The following ARAP1 variants were observed in gnomAD, a reference collection of about 807,000 sequenced individuals.
ARAP1 encodes arf-GAP with Rho-GAP domain, ANK repeat and PH domain-containing protein 1.
A neutral mutation model predicts 172.2 loss-of-function variants in ARAP1; 76 were observed. The observed-to-expected ratio is 0.44, with a 90% CI of 0.37 to 0.53. The LOEUF is 0.53. Among genes scored for constraint, ARAP1 ranks in the 20% least tolerant of loss-of-function variants. The pLI, the probability that ARAP1 is intolerant of heterozygous loss-of-function variation, is 0.00. For missense variants in ARAP1, 1,686 were observed against 1,977.5 expected, an observed-to-expected ratio of 0.85 and a Z score of 2.80; for synonymous variants, 804 against 803.3, an observed-to-expected ratio of 1.00 and a Z score of -0.01.
At chr11:72,745,708 C>G (rs982638172) in intron 1 of ARAP1, among the ~76,000 whole-genome samples, 11 of 152,122 alleles carry the variant, frequency 7.2e-5, no homozygotes, top group Non-Finnish European at 1.6e-4. Context: ...AGGAGACACT[C>G]CTGTGTCCCA....
chr11:72,698,758 T>C (rs1856332473), intron 18 of ARAP1, among the ~76,000 whole-genome samples: 2 of 152,110 alleles, frequency 1.3e-5, no homozygotes, highest in Admixed American at 1.3e-4. Flanking sequence ...TGTTAAACAC[T>C]TATTGAGCAC....
chr11:72,687,773 A>G, intron 31 of ARAP1, 35 bp from the exon 32 acceptor site: 1 of 1,613,262 alleles, frequency 6.2e-7, no homozygotes, highest in Non-Finnish European at 8.5e-7. Context: ...TGGGTGTTTG[A>G]CAGGCCATAG....
chr11:72,687,281 G>A (rs1229992212), intron 33 of ARAP1, 158 bp downstream of exon 33: 5 of 934,774 alleles, frequency 5.3e-6, no homozygotes, highest in Non-Finnish European at 8.3e-6. Context: ...GTAGGTGCTA[G>A]GAAGGGTTTA....
rs767049284 is a variant in ARAP1, at chr11:72,721,836, G to A, written c.509+4784C>T. The A allele has an allele frequency of 8.0e-5, 79 of 985,598 alleles. 1 individual carries two copies. Among genetic ancestry groups the A allele is most frequent in the African/African-American group, 5.8e-4 (33 of 57,230 alleles). 61.1% of individuals were successfully genotyped at this position (985,598 alleles called of 1,614,324 possible). On this transcript the variant is annotated intron_variant, in intron 3 of 34. Coordinates refer to ENST00000393609, the MANE Select transcript of ARAP1 (RefSeq NM_001040118.3). ...GCCCAACAGCAACAACAGCAACGGC[G>A]GCACCTCGCTTACCCTCAGACGCCT...
At chr11:72,696,899 G>T in intron 22 of ARAP1, 84 bp downstream of exon 22, 2 of 1,404,532 alleles carry the variant, frequency 1.4e-6, no homozygotes, top group Non-Finnish European at 1.9e-6. Context: ...GGTAAGCCTA[G>T]TGCAAGTGCC....
chr11:72,733,147 C>T (rs772460797), intron 1 of ARAP1, among the ~76,000 whole-genome samples: 6 of 152,152 alleles, frequency 3.9e-5, no homozygotes, highest in Non-Finnish European at 7.4e-5. Flanking sequence ...GACAGACAGG[C>T]CTGTCCAGAT....
intron 2 of ARAP1, among the ~76,000 whole-genome samples, chr11:72,727,619 G>A (rs1009053042): frequency 3.9e-5 from 6 of 152,180 alleles, no homozygotes; most frequent in African/African-American, 4.8e-5. Context: ...AGGGCTTAGC[G>A]AGCATTGAAG....
intron 2 of ARAP1, among the ~76,000 whole-genome samples, chr11:72,729,806 T>G (rs1857803665): frequency 6.6e-6 from 1 of 151,510 alleles, no homozygotes; most frequent in Non-Finnish European, 1.5e-5. Flanking sequence ...TCTCAGCTAC[T>G]TGTGAGGATG....
chr11:72,703,414 G>T (rs372207414), intron 14 of ARAP1: 15 of 163,866 alleles, frequency 9.2e-5, no homozygotes, highest in Non-Finnish European at 1.6e-4. Context: ...GAGCCGGGGG[G>T]GGGGTGTGCT....
In ARAP1 at chr11:72,685,596, G is replaced by A; in HGVS notation, c.*68C>T. On this transcript the variant is annotated 3_prime_UTR_variant, in exon 35 of 35. Transcript: ENST00000393609. Reference sequence around the variant, plus strand: ...CCGCTGGCTCACATCAGGCCTTGGAGCATAAGGGGTGTCTGAACAGAAGGC... The same window carrying A: ...CCGCTGGCTCACATCAGGCCTTGGAACATAAGGGGTGTCTGAACAGAAGGC... 1 of 1,607,220 alleles carries A rather than the reference G, an allele frequency of 6.2e-7. No homozygotes were observed. The highest frequency in any genetic ancestry group is 8.5e-7 in the Non-Finnish European group (1 of 1,173,788).
At chr11:72,703,306 C>G in intron 14 of ARAP1, 1 of 456,014 alleles carries the variant, frequency 2.2e-6, no homozygotes, top group Non-Finnish European at 3.8e-6. Flanking sequence ...CCAGGGGATC[C>G]CAGCTGCCCG....
In ARAP1 at chr11:72,686,079, C is replaced by A; in HGVS notation, c.4298G>T (p.Arg1433Leu). 3 of 1,614,102 alleles carry A rather than the reference C, an allele frequency of 1.9e-6. No individual in the cohort carries two copies. The highest frequency in any genetic ancestry group is 2.2e-5 in the South Asian group (2 of 91,088). Residue 1433 changes from arginine to leucine, a missense_variant, in exon 34 of 35, where the codon CGC becomes CTC. This residue lies in a region of ARAP1 where 379 missense variants were observed against 500.1 expected (regional missense o/e 0.76). Coordinates refer to ENST00000393609, the MANE Select transcript of ARAP1 (RefSeq NM_001040118.3). Reference sequence around the variant, plus strand: ...CGCGGTGAAGGCAGCCACACTCCGGCGCATTTCATTTTCACTACCTCGAAG... The same window carrying A: ...CGCGGTGAAGGCAGCCACACTCCGGAGCATTTCATTTTCACTACCTCGAAG... ...IPLRGSENEM[R>L]RSVAAFTADP...
Position 72,695,010 on chromosome 11 carries a change from A to G in ARAP1, c.3664T>C (p.Cys1222Arg). ...TCCTCCCTCTCGTTGACCTCAAAGCAGGTCCAATAGTCCTTCTCCCTGATG... is the reference window on the plus strand; with the variant it reads ...TCCTCCCTCTCGTTGACCTCAAAGCGGGTCCAATAGTCCTTCTCCCTGATG... ...VGIREKDYWTCFEVNEREEAE... is the reference protein window; with the variant it reads ...VGIREKDYWTRFEVNEREEAE... The change falls in exon 27 of 35, where the codon TGC becomes CGC. Residue 1222 changes from cysteine (C) to arginine (R), a missense_variant. Cys to Arg is a radical substitution (Grantham distance 180). Around this residue, in one of 5 missense-constraint regions of ARAP1, gnomAD observed 379 missense variants for 500.1 expected, o/e 0.76. Transcript: ENST00000393609. This position sits in a 1 kb window ranked among gnomAD's most constrained non-coding sequence, Gnocchi z 4.4. 6.2e-7 allele frequency: 1 copy of G among 1,614,146 alleles called. No individual in the cohort carries two copies. Among genetic ancestry groups the G allele is most frequent in the Non-Finnish European group, 8.5e-7 (1 of 1,180,008 alleles).
At chr11:72,752,233 G>C (rs1858553278) in intron 1 of ARAP1, 95 bp downstream of exon 1, 1 of 152,356 alleles carries the variant, frequency 6.6e-6, no homozygotes, top group Admixed American at 6.5e-5. Flanking sequence ...CAGAAGCAGC[G>C]CGCGGCCTCG....
At chr11:72,736,758 C>T (rs1858040891) in intron 1 of ARAP1, among the ~76,000 whole-genome samples, 1 of 152,174 alleles carries the variant, frequency 6.6e-6, no homozygotes, top group Non-Finnish European at 1.5e-5. Flanking sequence ...CCATGGTTCC[C>T]AGTGCCTTCG....
Position 72,697,612 on chromosome 11 carries a change from C to T in ARAP1, c.2775G>A (p.Leu925=), listed in dbSNP as rs2291289. ...QGDSENQVLV[L]VERRRTLYIQ... is the part of the protein sequence containing the mutation. ...CCGTGGCTCACCTCCTTCGCTCCAC[C>T]AGCACCAGCACCTGGTTCTCACTGT... The change falls in exon 20 of 35, where the codon CTG becomes CTA. Residue 925 remains leucine (L), a synonymous_variant. Transcript: ENST00000393609. 0.42 allele frequency: 679,986 copies of T among 1,613,810 alleles called. 150,160 individuals carry two copies. The highest frequency in any genetic ancestry group is 0.46 in the Non-Finnish European group (544,635 of 1,179,852).
At chr11:72,703,295 G>A (rs1856584287) in intron 14 of ARAP1, 1 of 500,464 alleles carries the variant, frequency 2.0e-6, no homozygotes, top group Non-Finnish European at 3.4e-6. Context: ...CCTAGCAGAG[G>A]CCAGGGGATC....
rs377048176 is a variant in ARAP1, at chr11:72,693,849, G to C, written c.3695-44C>G. ...TACCGTCACTGGGACCACATGGCCC[G>C]ATACCACCAAAGGCTGGCAGATGGG... On this transcript the variant is annotated intron_variant, in intron 27 of 34. Transcript: ENST00000393609. The surrounding 1 kb of genome is among the most constrained non-coding windows in gnomAD (Gnocchi z 4.6). 17 of 1,494,762 alleles carry C rather than the reference G, an allele frequency of 1.1e-5. No homozygotes were observed. The African/African-American group carries it at 2.2e-4, about 19-fold the overall frequency. The allele number at this position is 1,494,762 out of a possible 1,614,324, so 92.6% of individuals were successfully genotyped here.
At chr11:72,728,351 C>T (rs1044392541) in intron 2 of ARAP1, among the ~76,000 whole-genome samples, 12 of 152,260 alleles carry the variant, frequency 7.9e-5, no homozygotes, top group African/African-American at 2.6e-4. Flanking sequence ...GAGGCCGAGG[C>T]GGGTGGATTG....
Sources: gnomAD v4.1 joint callset for allele counts (sites outside exome capture counted in the v4.1 genomes callset) on GRCh38, gnomAD v4.1.1 for gene constraint, gnomAD v4.1.1 regional missense constraint, Gnocchi (gnomAD v3.1) non-coding constraint, MANE v1.5 for transcripts, NCBI Gene and HGNC (gene_info 2026-07-23, HGNC 2026-07-21) for gene names.